AATF: variants seen among roughly 807,000 people sequenced by gnomAD.
AATF encodes the protein protein AATF.
Under a neutral mutation model 63.7 loss-of-function variants are expected in AATF, and 48 were observed. The ratio of observed to expected loss-of-function variants is 0.75; its 90% CI spans 0.60 to 0.96. The LOEUF (loss-of-function observed/expected upper bound fraction) is 0.96. AATF is among the 40% of genes least tolerant of loss of function. The probability of loss-of-function intolerance (pLI) is 0.00; values close to 1 mark genes in which losing one functional copy is unlikely to be tolerated. For missense variants in AATF, 639 were observed against 685.7 expected (o/e 0.93, Z 0.76); for synonymous variants, 258 against 247.7 (o/e 1.04, Z -0.39).
Position 36,990,841 on chromosome 17 carries a change from A to G in AATF, c.1382A>G (p.Asp461Gly). The G allele has an allele frequency of 6.3e-7, 1 of 1,589,080 alleles. No individual in the cohort carries two copies. The highest frequency in any genetic ancestry group is 8.5e-7 in the Non-Finnish European group (1 of 1,171,550). Reference protein sequence around the residue: ...KDLDEEIFDDDDFYHQLLREL... With the variant: ...KDLDEEIFDDGDFYHQLLREL... ...TTGGATGAAGAAATCTTTGATGATG[A>G]TGACTTTTACCACCAGGTGAGACTT... Residue 461 changes from aspartate (D) to glycine (G), a missense_variant, in exon 8 of 12, where the codon GAT becomes GGT. Coordinates refer to ENST00000619387, the MANE Select transcript of AATF (RefSeq NM_012138.4).
At chr17:37,033,995 A>G (rs908394772) in intron 11 of AATF, among the ~76,000 whole-genome samples, 1 of 152,208 alleles carries the variant, frequency 6.6e-6, no homozygotes, top group Non-Finnish European at 1.5e-5. Context: ...GGGGTTAGGA[A>G]TGTGTTTGCT....
intron 2 of AATF, among the ~76,000 whole-genome samples, chr17:36,952,632 C>T (rs1328657965): frequency 1.3e-5 from 2 of 152,218 alleles, no homozygotes; most frequent in Non-Finnish European, 2.9e-5. Flanking sequence ...TCTGATGCTT[C>T]CTTGAGTTGT....
chr17:37,005,394 G>A (rs1194107246), intron 8 of AATF, among the ~76,000 whole-genome samples: 2 of 152,160 alleles, frequency 1.3e-5, no homozygotes, highest in African/African-American at 4.8e-5. Context: ...AAGGTGGCAG[G>A]ATTGATGGTT....
chr17:37,014,969 C>T (rs2071418452), intron 8 of AATF, among the ~76,000 whole-genome samples: 1 of 152,146 alleles, frequency 6.6e-6, no homozygotes, highest in Non-Finnish European at 1.5e-5. Context: ...AAAGTATACC[C>T]TCTCCCACTC....
intron 10 of AATF, among the ~76,000 whole-genome samples, chr17:37,021,823 AAT>A (rs1349363152): frequency 1.4e-4 from 19 of 136,164 alleles, no homozygotes; most frequent in Admixed American, 2.1e-4. Flanking sequence ...AAAAAAAAAT[AAT>A]AATAATAATA....
intron 8 of AATF, among the ~76,000 whole-genome samples, chr17:36,996,749 A>C (rs969782851): frequency 2.6e-5 from 4 of 152,192 alleles, no homozygotes; most frequent in Non-Finnish European, 5.9e-5. Context: ...GAAGCTGCAC[A>C]GAACAGGAAG....
At chr17:36,988,469 C>T (rs1370211548) in intron 5 of AATF, 50 bp from the exon 6 acceptor site, 1 of 1,571,690 alleles carries the variant, frequency 6.4e-7, no homozygotes, top group East Asian at 2.3e-5. Context: ...TTTTTAAAAT[C>T]TAAGTAATGT....
chr17:36,999,211 A>C (rs745808489), intron 8 of AATF: 1 of 152,128 alleles, frequency 6.6e-6, no homozygotes, highest in Non-Finnish European at 1.5e-5. Flanking sequence ...TCATTTTGCT[A>C]TTGTCTACTT....
intron 8 of AATF, among the ~76,000 whole-genome samples, chr17:37,002,517 A>C (rs2071307889): frequency 1.3e-5 from 2 of 151,250 alleles, no homozygotes; most frequent in Non-Finnish European, 3.0e-5. Context: ...AATACAAAAA[A>C]AAAAAAAAAT....
At chr17:37,044,469 C>T (rs2071672041) in intron 11 of AATF, among the ~76,000 whole-genome samples, 1 of 152,132 alleles carries the variant, frequency 6.6e-6, no homozygotes, top group Non-Finnish European at 1.5e-5. Context: ...GGGAAAGGCT[C>T]TCTCAAGAAC....
chr17:36,950,294 A>G lies in AATF; in HGVS notation c.172A>G (p.Lys58Glu). Residue 58 changes from lysine (K) to glutamate (E), a missense_variant, in exon 2 of 12, where the codon AAA becomes GAA. By Grantham distance (56) the Lys-to-Glu change is moderately conservative. Transcript: ENST00000619387. Reference sequence around the variant, plus strand: ...TTTCCTAGTAGTGGGTAGCATTAGAAAACTGGCATCAGCCTCCCTCTTGGA... The same window carrying G: ...TTTCCTAGTAGTGGGTAGCATTAGAGAACTGGCATCAGCCTCCCTCTTGGA... ...GDFLVVGSIR[K>E]LASASLLDTD... 6.2e-7 allele frequency: 1 copy of G among 1,614,148 alleles called. No individual in the cohort carries two copies. Among genetic ancestry groups the G allele is most frequent in the Middle Eastern group, 1.6e-4 (1 of 6,062 alleles).
At chr17:36,958,524 A>G (rs1464069238) in intron 4 of AATF, among the ~76,000 whole-genome samples, 2 of 152,164 alleles carry the variant, frequency 1.3e-5, no homozygotes, top group Non-Finnish European at 2.9e-5. Context: ...GGTGGCAATG[A>G]TATGTAAGGA....
At chr17:37,003,505 G>T (rs1239726471) in intron 8 of AATF, among the ~76,000 whole-genome samples, 1 of 141,616 alleles carries the variant, frequency 7.1e-6, no homozygotes. Context: ...TTGAGACAGG[G>T]TCTCATGTCA....
intron 4 of AATF, among the ~76,000 whole-genome samples, chr17:36,967,645 T>A (rs2071001575): frequency 6.6e-6 from 1 of 151,354 alleles, no homozygotes; most frequent in Non-Finnish European, 1.5e-5. Context: ...GAGTCTTTCT[T>A]GGCTACTTCC....
At position 37,019,033 on chromosome 17, in the gene AATF, C is replaced by A. The variant is rs141756894; in HGVS notation, c.1427C>A (p.Thr476Asn). 1.2e-6 allele frequency: 2 copies of A among 1,614,118 alleles called. No homozygotes were observed. Among genetic ancestry groups the A allele is most frequent in the African/African-American group, 1.3e-5 (1 of 75,052 alleles). Residue 476 changes from threonine to asparagine, a missense_variant, in exon 9 of 12, where the codon ACC (threonine) becomes AAC (asparagine). Transcript: ENST00000619387. ...QLLRELIERK[T>N]SSLDPNDQVA... ...CTTCGAGAACTCATAGAACGGAAGACCAGCTCCTTGGATCCCAACGATCAG... is the reference window on the plus strand; with the variant it reads ...CTTCGAGAACTCATAGAACGGAAGAACAGCTCCTTGGATCCCAACGATCAG...
At chr17:36,979,603 A>T (rs2071105347) in intron 4 of AATF, among the ~76,000 whole-genome samples, 1 of 152,104 alleles carries the variant, frequency 6.6e-6, no homozygotes, top group African/African-American at 2.4e-5. Flanking sequence ...TGAATGGGGG[A>T]GTTTATGTGT....
At chr17:36,974,872 C>A (rs1250989428) in intron 4 of AATF, among the ~76,000 whole-genome samples, 1 of 151,818 alleles carries the variant, frequency 6.6e-6, no homozygotes, top group Non-Finnish European at 1.5e-5. Context: ...TCTAATTCTC[C>A]TTTTTTTTGC....
In AATF at chr17:36,949,048, C is replaced by T; in HGVS notation, c.-78C>T. On this transcript the variant is annotated 5_prime_UTR_variant, in exon 1 of 12. Transcript: ENST00000619387. ...ATCGGATCAAGGCGAGAGGATCCGG[C>T]AGGGAAGGAGCTTCGGGGCCGGGGG... 7.8e-7 allele frequency: 1 copy of T among 1,281,944 alleles called. No homozygotes were observed. Among genetic ancestry groups the T allele is most frequent in the South Asian group, 1.3e-5 (1 of 74,612 alleles). The allele number at this position is 1,281,944 out of a possible 1,614,324, so 79.4% of individuals were successfully genotyped here.
intron 8 of AATF, among the ~76,000 whole-genome samples, chr17:37,015,385 A>C (rs2071421594): frequency 6.6e-6 from 1 of 152,248 alleles, no homozygotes; most frequent in Non-Finnish European, 1.5e-5. Flanking sequence ...TGTAAAGTCC[A>C]AGAACAAGAA....
Sources: gnomAD v4.1 joint callset for allele counts (sites outside exome capture counted in the v4.1 genomes callset) on GRCh38, gnomAD v4.1.1 for gene constraint, MANE v1.5 for transcripts, NCBI Gene and HGNC (gene_info 2026-07-23, HGNC 2026-07-21) for gene names.